MUC5AC: variants seen among roughly 807,000 people sequenced by gnomAD.
MUC5AC encodes mucin 5AC, oligomeric mucus/gel-forming.
A neutral mutation model predicts 169.7 loss-of-function variants in MUC5AC; 158 were observed. The ratio of observed to expected loss-of-function variants is 0.93; its 90% confidence interval spans 0.82 to 1.06. The LOEUF (loss-of-function observed/expected upper bound fraction) is 1.06, where lower values mean the gene tolerates loss of function less well. Among genes scored for constraint, MUC5AC ranks in the 50% least tolerant of loss-of-function variants. The pLI, the probability that MUC5AC is intolerant of heterozygous loss-of-function variation, is 0.00. For missense variants in MUC5AC, 4,359 were observed against 3,089.9 expected (o/e 1.41, Z -9.74); for synonymous variants, 1,975 against 1,237.0 (o/e 1.60, Z -12.52).
intron 11 of MUC5AC, among the ~76,000 whole-genome samples, chr11:1,166,563 G>T (rs1860341284): frequency 1.2e-5 from 1 of 86,944 alleles, no homozygotes; most frequent in Non-Finnish European, 2.3e-5. Flanking sequence ...GTCTCCCCAA[G>T]ATGAGACCCT....
chr11:1,159,280 G>A (rs906208434), intron 1 of MUC5AC, among the ~76,000 whole-genome samples: 5 of 152,056 alleles, frequency 3.3e-5, no homozygotes, highest in East Asian at 1.9e-4. Context: ...GGGTGCAGGC[G>A]AATCACAGCT....
At chr11:1,179,740 C>T (rs1483146193) in intron 26 of MUC5AC, among the ~76,000 whole-genome samples, 2 of 151,994 alleles carry the variant, frequency 1.3e-5, no homozygotes, top group South Asian at 2.1e-4. Flanking sequence ...GTAGAACGTT[C>T]TGGGCAGTGG....
rs760524829 is a variant in MUC5AC, at chr11:1,192,798, G to T, written c.14396G>T (p.Arg4799Leu). The T allele has an allele frequency of 1.3e-6, 1 of 761,054 alleles. No individual in the cohort carries two copies. The highest frequency in any genetic ancestry group is 2.4e-6 in the Non-Finnish European group (1 of 414,774). 47.1% of individuals were successfully genotyped at this position (761,054 alleles called of 1,614,324 possible). The change falls in exon 32 of 49, where the codon CGC becomes CTC. Residue 4799 changes from arginine (R) to leucine (L), a missense_variant. Physicochemically the swap from Arg to Leu is moderately radical, Grantham distance 102. Coordinates refer to ENST00000621226, the MANE Select transcript of MUC5AC (RefSeq NM_001304359.2). ...RLYPAGSTIY[R>L]HRDLAGHCYY... ...CCTCTTACAGGATCCACCATATACC[G>T]CCACAGAGACCTCGCTGGCCATTGC... is the stretch of plus-strand genomic sequence containing the variant.
At position 1,186,628 on chromosome 11, in the gene MUC5AC, C is replaced by G; in HGVS notation, c.8483C>G (p.Thr2828Arg). Residue 2828 changes from threonine (T) to arginine (R), a missense_variant, in exon 31 of 49, where the codon ACA becomes AGA. Transcript: ENST00000621226. ...TSTTSAPTTS[T>R]TSGPGTTSSP... ...ACAACTTCGGCTCCTACAACCAGCA[C>G]AACTTCTGGTCCTGGAACTACTTCA... 1.4e-6 allele frequency: 1 copy of G among 728,962 alleles called. No homozygotes were observed. The highest frequency in any genetic ancestry group is 2.5e-6 in the Non-Finnish European group (1 of 399,568). The allele number at this position is 728,962 out of a possible 1,614,324, so 45.2% of individuals were successfully genotyped here.
At chr11:1,160,834 C>T (rs1860121870) in intron 2 of MUC5AC, 145 bp downstream of exon 2, 2 of 786,568 alleles carry the variant, frequency 2.5e-6, no homozygotes, top group East Asian at 5.4e-5. Context: ...GGAGGACACC[C>T]CCACATCCAT....
chr11:1,198,731 C>A, intron 43 of MUC5AC, 143 bp from the exon 44 acceptor site: 1 of 630,694 alleles, frequency 1.6e-6, no homozygotes, highest in Non-Finnish European at 2.9e-6. Flanking sequence ...CCACGAGTCA[C>A]CCCAGGGGTG....
At chr11:1,162,718 C>G in intron 5 of MUC5AC, 72 bp downstream of exon 5, 2 of 1,435,532 alleles carry the variant, frequency 1.4e-6, no homozygotes, top group Non-Finnish European at 9.8e-7. Context: ...ACAGCCTCTC[C>G]GGAGAGGGTA....
In MUC5AC at chr11:1,185,526, A is replaced by G. The variant is rs1387970855; in HGVS notation, c.7381A>G (p.Thr2461Ala). The G allele has an allele frequency of 6.9e-6, 5 of 724,440 alleles. No homozygotes were observed. The highest frequency in any genetic ancestry group is 5.2e-5 in the African/African-American group (3 of 57,720). 44.9% of individuals were successfully genotyped at this position (724,440 alleles called of 1,614,324 possible). A position where few individuals can be genotyped will look rare whatever the true frequency, so the allele number is the denominator to read the frequency against. The change falls in exon 31 of 49, where the codon ACC becomes GCC. Residue 2461 changes from threonine (T) to alanine (A), a missense_variant. Coordinates refer to ENST00000621226, the MANE Select transcript of MUC5AC (RefSeq NM_001304359.2). ...AAGCCCTGTTCCCACGACCAGCACA[A>G]CCTCTGCCCCTACAACAAGAACAAC... Reference protein sequence around the residue: ...TPSPVPTTSTTSAPTTRTTSA... With the variant: ...TPSPVPTTSTASAPTTRTTSA...
At chr11:1,168,431 T>G in intron 12 of MUC5AC, 52 bp from the exon 13 acceptor site, 2 of 1,559,668 alleles carry the variant, frequency 1.3e-6, no homozygotes, top group Non-Finnish European at 1.8e-6. Context: ...TCCGCGGGGC[T>G]GAGGTGCCGC....
chr11:1,170,536 T>C (rs1256554083), intron 15 of MUC5AC, among the ~76,000 whole-genome samples: 25 of 27,454 alleles, frequency 9.1e-4, no homozygotes, highest in East Asian at 2.3e-3. Context: ...CATTCACCCA[T>C]TCACTCACTC....
Position 1,181,454 on chromosome 11 carries a change from C to A in MUC5AC, c.4004C>A (p.Pro1335Gln), listed in dbSNP as rs1038557606. Reference sequence around the variant, plus strand: ...ACCACCTTCTCCTTCTCCACACCCCCGCTTGGTAAGGCAAATGTGGCCGAG... The same window carrying A: ...ACCACCTTCTCCTTCTCCACACCCCAGCTTGGTAAGGCAAATGTGGCCGAG... Reference protein sequence around the residue: ...PPTTFSFSTPPLVVSSTHTPS... With the variant: ...PPTTFSFSTPQLVVSSTHTPS... The change falls in exon 30 of 49, where the codon CCG becomes CAG. Residue 1335 changes from proline to glutamine, a missense_variant. Transcript: ENST00000621226. 7.8e-6 allele frequency: 3 copies of A among 384,958 alleles called. No individual in the cohort carries two copies. The highest frequency in any genetic ancestry group is 9.0e-6 in the Non-Finnish European group (2 of 221,124). 23.8% of individuals were successfully genotyped at this position (384,958 alleles called of 1,614,324 possible).
At chr11:1,179,305 C>A in intron 26 of MUC5AC, 57 bp downstream of exon 26, 2 of 490,754 alleles carry the variant, frequency 4.1e-6, no homozygotes, top group Middle Eastern at 5.2e-4. Context: ...GTGTGCCCCA[C>A]CACACTCGCC....
At chr11:1,175,670 TCACACCCACTCATGCA>T (rs1860658538) in intron 19 of MUC5AC, among the ~76,000 whole-genome samples, 1 of 47,686 alleles carries the variant, frequency 2.1e-5, no homozygotes, top group Non-Finnish European at 4.2e-5. Context: ...ACACACGCAC[TCACACCCACTCATGCA>T]CACACACCCA....
At chr11:1,162,884 T>C (rs1860186309) in intron 5 of MUC5AC, 71 bp from the exon 6 acceptor site, 1 of 1,463,572 alleles carries the variant, frequency 6.8e-7, no homozygotes, top group Admixed American at 1.7e-5. Flanking sequence ...TCCTCGGAAA[T>C]CTCAGGCTCG....
chr11:1,191,021 T>C lies in MUC5AC; in HGVS notation c.12876T>C (p.Gly4292=). ...TSAPTSSMTS[G]PGTTPSPVPT... The stretch of plus-strand genomic sequence containing the variant: ...CTCCTACAAGCAGCATGACCTCTGG[T>C]CCTGGAACTACTCCCAGCCCTGTTC... The change falls in exon 31 of 49, where the codon GGT becomes GGC. Residue 4292 remains glycine, a synonymous_variant. Transcript: ENST00000621226. 1.3e-6 allele frequency: 1 copy of C among 756,336 alleles called. No individual in the cohort carries two copies. Among genetic ancestry groups the C allele is most frequent in the East Asian group, 2.4e-5 (1 of 40,918 alleles). The allele number at this position is 756,336 out of a possible 1,614,324, so 46.9% of individuals were successfully genotyped here. A position where few individuals can be genotyped will look rare whatever the true frequency, so the allele number is the denominator to read the frequency against.
Position 1,187,480 on chromosome 11 carries a change from C to T in MUC5AC, c.9335C>T (p.Ser3112Phe). The T allele has an allele frequency of 1.4e-6, 1 of 734,702 alleles. No individual in the cohort carries two copies. The highest frequency in any genetic ancestry group is 2.5e-6 in the Non-Finnish European group (1 of 402,658). 45.5% of individuals were successfully genotyped at this position (734,702 alleles called of 1,614,324 possible). A position where few individuals can be genotyped will look rare whatever the true frequency, so the allele number is the denominator to read the frequency against. Reference sequence around the variant, plus strand: ...CCTACAACCAGCACAACCTCTGCCTCTACAGCCAGCAAAACCTCTGGTCTT... The same window carrying T: ...CCTACAACCAGCACAACCTCTGCCTTTACAGCCAGCAAAACCTCTGGTCTT... ...SAPTTSTTSA[S>F]TASKTSGLGT... The change falls in exon 31 of 49, where the codon TCT becomes TTT. Residue 3112 changes from serine (S) to phenylalanine (F), a missense_variant. Transcript: ENST00000621226.
rs1377747331 is a variant in MUC5AC, at chr11:1,187,336, C to A, written c.9191C>A (p.Pro3064His). ...TCTACCACCAGCATAACTTCTGGTC[C>A]TGGAACTACCCCAAGCCCTGTTCCC... ...SASTTSITSGPGTTPSPVPTT... is the reference protein window; with the variant it reads ...SASTTSITSGHGTTPSPVPTT... Residue 3064 changes from proline to histidine, a missense_variant, in exon 31 of 49, where the codon CCT becomes CAT. By Grantham distance (77) the Pro-to-His change is moderately conservative (BLOSUM62 -2). Coordinates refer to ENST00000621226, the MANE Select transcript of MUC5AC (RefSeq NM_001304359.2). The A allele has an allele frequency of 4.1e-6, 3 of 731,134 alleles. No homozygotes were observed. Among genetic ancestry groups the A allele is most frequent in the Non-Finnish European group, 7.5e-6 (3 of 399,822 alleles). 45.3% of individuals were successfully genotyped at this position (731,134 alleles called of 1,614,324 possible). A position where few individuals can be genotyped will look rare whatever the true frequency, so the allele number is the denominator to read the frequency against.
Position 1,182,491 on chromosome 11 carries a change from G to A in MUC5AC, c.4346G>A (p.Ser1449Asn), listed in dbSNP as rs1029157009. 5.8e-5 allele frequency: 23 copies of A among 398,606 alleles called. No individual in the cohort carries two copies. Among genetic ancestry groups the A allele is most frequent in the Non-Finnish European group, 5.7e-5 (13 of 226,156 alleles). The allele number at this position is 398,606 out of a possible 1,614,324, so 24.7% of individuals were successfully genotyped here. A position where few individuals can be genotyped will look rare whatever the true frequency, so the allele number is the denominator to read the frequency against. The stretch of plus-strand genomic sequence containing the variant: ...GCCCTGGGGCAGCGTGTGCAGTGCA[G>A]CCCGGATGTGGGGCTGACCTGTCGT... ...LRALGQRVQC[S>N]PDVGLTCRNR... Residue 1449 changes from serine (S) to asparagine (N), a missense_variant, in exon 31 of 49, where the codon AGC becomes AAC. Physicochemically the swap from Ser to Asn is conservative, Grantham distance 46. Coordinates refer to ENST00000621226, the MANE Select transcript of MUC5AC (RefSeq NM_001304359.2).
chr11:1,185,502 A>C lies in MUC5AC; in HGVS notation c.7357A>C (p.Ser2453Arg), dbSNP rs1860916256. 4.1e-6 allele frequency: 3 copies of C among 727,822 alleles called. No individual in the cohort carries two copies. The highest frequency in any genetic ancestry group is 7.5e-6 in the Non-Finnish European group (3 of 399,020). The allele number at this position is 727,822 out of a possible 1,614,324, so 45.1% of individuals were successfully genotyped here. A position where few individuals can be genotyped will look rare whatever the true frequency, so the allele number is the denominator to read the frequency against. ...AACTTCTGGTCCTGGAACTACCCCA[A>C]GCCCTGTTCCCACGACCAGCACAAC... ...STTSGPGTTP[S>R]PVPTTSTTSA... The change falls in exon 31 of 49, where the codon AGC becomes CGC. Residue 2453 changes from serine to arginine, a missense_variant. Ser to Arg is a moderately radical substitution (Grantham distance 110, BLOSUM62 -1). Transcript: ENST00000621226.
Sources: gnomAD v4.1 joint callset for allele counts (sites outside exome capture counted in the v4.1 genomes callset) on GRCh38, gnomAD v4.1.1 for gene constraint, MANE v1.5 for transcripts, NCBI Gene and HGNC (gene_info 2026-07-23, HGNC 2026-07-21) for gene names.